NEXMIF: variants seen among roughly 807,000 people sequenced by gnomAD.
NEXMIF encodes the protein XLMR protein related to neurite extension.
A neutral mutation model predicts 62.1 loss-of-function variants in NEXMIF; 8 were observed. That is an observed-to-expected ratio of 0.13 (90% confidence interval 0.08 to 0.23). The LOEUF is 0.23. Among genes scored for constraint, NEXMIF ranks in the 10% least tolerant of loss-of-function variants. The probability of loss-of-function intolerance (pLI) is 1.00; values close to 1 mark genes in which losing one functional copy is unlikely to be tolerated. For missense variants in NEXMIF, 976 were observed against 1,113.3 expected (o/e 0.88, Z 1.75); for synonymous variants, 404 against 416.6 (o/e 0.97, Z 0.37).
At position 74,885,359 on chromosome X, in the gene NEXMIF, C is replaced by T. The variant is rs1313819976; in HGVS notation, c.-48+39524G>A. 2.7e-5 allele frequency among the ~76,000 whole-genome samples: 3 copies of T among 111,406 alleles called. No homozygotes were observed. In the Admixed American group the frequency reaches 2.9e-4, roughly 11 times the overall value. On this transcript the variant is annotated intron_variant, in intron 1 of 3. Transcript: ENST00000055682. ...TTCAAAAAATCAGTGAACCCTGGAG[C>T]TGGTTTTTTGAAAAGATCAACAAAA...
chrX:74,793,528 G>A (rs1193302130), intron 1 of NEXMIF, among the ~76,000 whole-genome samples: 1 of 111,322 alleles, frequency 9.0e-6, no homozygotes, highest in African/African-American at 3.3e-5. Flanking sequence ...GGACTGCCTT[G>A]CTAGATTGGG....
chrX:74,834,535 A>ATT (rs1207278431), intron 1 of NEXMIF, among the ~76,000 whole-genome samples: 1 of 111,300 alleles, frequency 9.0e-6, no homozygotes, highest in East Asian at 2.8e-4. Flanking sequence ...GAAGGTCTTT[A>ATT]TTTCTGCTTC....
intron 1 of NEXMIF, among the ~76,000 whole-genome samples, chrX:74,804,155 G>T (rs758481898): frequency 6.3e-4 from 71 of 112,076 alleles, no homozygotes; most frequent in Non-Finnish European, 3.9e-4. Context: ...TTAAAAACTC[G>T]GGAGATGAAG....
At chrX:74,891,781 T>C (rs1320810621) in intron 1 of NEXMIF, among the ~76,000 whole-genome samples, 1 of 112,058 alleles carries the variant, frequency 8.9e-6, no homozygotes, top group Non-Finnish European at 1.9e-5. Context: ...CTGTGGAACA[T>C]GAGACTAGAG....
chrX:74,801,886 G>A (rs1602233452), intron 1 of NEXMIF, among the ~76,000 whole-genome samples: 1 of 112,238 alleles, frequency 8.9e-6, no homozygotes, highest in African/African-American at 3.2e-5. Context: ...TGACTGAAGA[G>A]CCCTTGGGCC....
intron 1 of NEXMIF, among the ~76,000 whole-genome samples, chrX:74,833,079 T>C (rs962775668): frequency 4.4e-5 from 5 of 113,274 alleles, no homozygotes; most frequent in African/African-American, 1.3e-4. Flanking sequence ...GAAGAATATG[T>C]ATTCTGCAGC....
At chrX:74,792,462 G>A (rs2080287781) in intron 1 of NEXMIF, among the ~76,000 whole-genome samples, 1 of 107,099 alleles carries the variant, frequency 9.3e-6, no homozygotes, top group South Asian at 4.3e-4. Flanking sequence ...TTGATTTGGG[G>A]TGGAGAGTTC....
chrX:74,914,200 A>G (rs1401669495), intron 1 of NEXMIF, among the ~76,000 whole-genome samples: 1 of 112,338 alleles, frequency 8.9e-6, no homozygotes, highest in Non-Finnish European at 1.9e-5. Context: ...GTAGACTATA[A>G]TAAGTTATGT....
intron 1 of NEXMIF, among the ~76,000 whole-genome samples, chrX:74,857,101 G>C (rs528279903): frequency 8.9e-6 from 1 of 112,116 alleles, no homozygotes; most frequent in South Asian, 3.7e-4. Context: ...CACAAGAACT[G>C]CAACTCCTAG....
intron 1 of NEXMIF, among the ~76,000 whole-genome samples, chrX:74,760,853 T>G (rs1487223647): frequency 3.9e-5 from 4 of 101,481 alleles, no homozygotes; most frequent in Non-Finnish European, 2.0e-5. Context: ...TTTATTTATT[T>G]ATTTATTTAT....
chrX:74,889,948 ATCTG>A (rs1193934565), intron 1 of NEXMIF, among the ~76,000 whole-genome samples: 1 of 83,108 alleles, frequency 1.2e-5, no homozygotes. Context: ...TCCTAACCTA[ATCTG>A]TCTCTCTCTC....
intron 1 of NEXMIF, among the ~76,000 whole-genome samples, chrX:74,903,457 A>G (rs2080755942): frequency 9.1e-6 from 1 of 109,308 alleles, no homozygotes; most frequent in Non-Finnish European, 1.9e-5. Flanking sequence ...GCCCTGTGAG[A>G]AAGAATAGAG....
At chrX:74,823,997 T>G (rs2080406252) in intron 1 of NEXMIF, among the ~76,000 whole-genome samples, 1 of 111,355 alleles carries the variant, frequency 9.0e-6, no homozygotes, top group African/African-American at 3.3e-5. Context: ...TAGAGAAATA[T>G]TCAGTCTTCT....
At chrX:74,744,579 A>T in intron 2 of NEXMIF, 102 bp from the exon 3 acceptor site, 1 of 539,955 alleles carries the variant, frequency 1.9e-6, no homozygotes, top group Non-Finnish European at 2.8e-6. Context: ...TGATCTTATT[A>T]TATAAGCTAA....
At chrX:74,744,585 G>A in intron 2 of NEXMIF, 108 bp from the exon 3 acceptor site, 1 of 501,903 alleles carries the variant, frequency 2.0e-6, no homozygotes, top group Non-Finnish European at 3.1e-6. Context: ...TATTATATAA[G>A]CTAAGCCTTC....
At chrX:74,869,994 A>T (rs1249592447) in intron 1 of NEXMIF, among the ~76,000 whole-genome samples, 1 of 111,879 alleles carries the variant, frequency 8.9e-6, no homozygotes, top group Non-Finnish European at 1.9e-5. Flanking sequence ...GAACCAAAAC[A>T]GACCCAGAAT....
At chrX:74,886,524 A>G (rs754920158) in intron 1 of NEXMIF, among the ~76,000 whole-genome samples, 1 of 111,933 alleles carries the variant, frequency 8.9e-6, no homozygotes, top group Admixed American at 9.5e-5. Flanking sequence ...CAGAGAGCCA[A>G]ATCATGAGTG....
chrX:74,919,610 G>A (rs1372047467), intron 1 of NEXMIF, among the ~76,000 whole-genome samples: 3 of 110,952 alleles, frequency 2.7e-5, no homozygotes, highest in African/African-American at 9.8e-5. Context: ...AAAATGAATT[G>A]CTACACCTGT....
chrX:74,851,995 C>T (rs2080515709), intron 1 of NEXMIF, among the ~76,000 whole-genome samples: 1 of 110,424 alleles, frequency 9.1e-6, no homozygotes, highest in Non-Finnish European at 1.9e-5. Context: ...ACAAATGAGG[C>T]ATTCCACTTA....
Sources: allele counts gnomAD v4.1 joint callset (sites outside exome capture counted in the v4.1 genomes callset), GRCh38; gene constraint gnomAD v4.1.1; transcripts MANE v1.5; gene names NCBI Gene and HGNC (gene_info 2026-07-23, HGNC 2026-07-21).